The following PRDM5 variants were observed in gnomAD, a reference collection of about 807,000 sequenced individuals.
PRDM5 encodes the protein PR/SET domain 5, also known as PR domain zinc finger protein 5.
A neutral mutation model predicts 81.2 loss-of-function variants in PRDM5; 56 were observed. That is an observed-to-expected ratio of 0.69 (90% confidence interval 0.56 to 0.86). PRDM5 has a LOEUF of 0.86. Among genes scored for constraint, PRDM5 ranks in the 40% least tolerant of loss-of-function variants. The pLI, the probability that PRDM5 is intolerant of heterozygous loss-of-function variation, is 0.00. For synonymous variants in PRDM5, 267 were observed against 256.4 expected, an observed-to-expected ratio of 1.04 and a Z score of -0.39; for missense variants, 697 against 770.1, an observed-to-expected ratio of 0.91 and a Z score of 1.12.
intron 2 of PRDM5, among the ~76,000 whole-genome samples, chr4:120,892,373 A>C (rs1390363242): frequency 6.6e-6 from 1 of 152,140 alleles, no homozygotes; most frequent in African/African-American, 2.4e-5. Flanking sequence ...CGTCACTGAT[A>C]GTTTTGTCTC....
chr4:120,771,449 T>C (rs562048488), intron 13 of PRDM5, among the ~76,000 whole-genome samples: 1 of 152,256 alleles, frequency 6.6e-6, no homozygotes, highest in South Asian at 2.1e-4. Flanking sequence ...GAGTTATCAT[T>C]TAAACATGTA....
intron 14 of PRDM5, among the ~76,000 whole-genome samples, chr4:120,746,780 A>G (rs989288198): frequency 7.0e-6 from 1 of 143,246 alleles, no homozygotes; most frequent in Non-Finnish European, 1.5e-5. Flanking sequence ...AAAGTCAGGA[A>G]ACAACAGGTG....
intron 10 of PRDM5, among the ~76,000 whole-genome samples, chr4:120,788,251 T>C (rs1217556742): frequency 6.6e-6 from 1 of 152,204 alleles, no homozygotes; most frequent in Non-Finnish European, 1.5e-5. Context: ...ATTATAATTC[T>C]ATATTTATTT....
chr4:120,914,285 C>A (rs572127498), intron 1 of PRDM5, among the ~76,000 whole-genome samples: 25 of 148,420 alleles, frequency 1.7e-4, no homozygotes, highest in African/African-American at 3.9e-4. Context: ...GAATCAAATT[C>A]AAAAAAAAAT....
chr4:120,714,181 G>T (rs1472422866), intron 14 of PRDM5, among the ~76,000 whole-genome samples: 1 of 152,002 alleles, frequency 6.6e-6, no homozygotes, highest in African/African-American at 2.4e-5. Flanking sequence ...TACTTTTCAG[G>T]CTTTTTTATG....
intron 14 of PRDM5, among the ~76,000 whole-genome samples, chr4:120,750,522 C>T (rs112907214): frequency 1.3e-5 from 2 of 152,122 alleles, no homozygotes; most frequent in Non-Finnish European, 1.5e-5. Context: ...CAGCCCACCC[C>T]CTGGAGAAGC....
Position 120,781,291 on chromosome 4 carries a change from A to G in PRDM5, c.1295T>C (p.Phe432Ser). The G allele has an allele frequency of 1.2e-6, 2 of 1,612,966 alleles. No individual in the cohort carries two copies. The highest frequency in any genetic ancestry group is 2.2e-5 in the South Asian group (2 of 91,066). The stretch of plus-strand genomic sequence containing the variant: ...GGTAGCATCGCAGTGATGGCACTTG[A>G]AAGTCCTCTCACCTTAGAAACAAAG... ...HLLIHNSERT[F>S]KCHHCDATFK... The change falls in exon 12 of 16, where the codon TTC (phenylalanine) becomes TCC (serine). Residue 432 changes from phenylalanine (F) to serine (S), a missense_variant. Coordinates refer to ENST00000264808, the MANE Select transcript of PRDM5 (RefSeq NM_018699.4).
Position 120,742,882 on chromosome 4 carries a change from C to T in PRDM5, c.1623+11671G>A, listed in dbSNP as rs908824920. Among the ~76,000 whole-genome samples, 54 of 152,174 alleles carry T rather than the reference C, an allele frequency of 3.5e-4. 1 individual carries two copies. The highest frequency in any genetic ancestry group is 3.3e-4 in the Admixed American group (5 of 15,282). On this transcript the variant is annotated intron_variant, in intron 14 of 15. Transcript: ENST00000264808. ...AGGATATTATCCAGGAGAATTTCCC[C>T]AATCTAGCAAGGCAGGCCAACGTTC... is the stretch of plus-strand genomic sequence containing the variant.
At chr4:120,710,753 G>A (rs1736844907) in intron 14 of PRDM5, among the ~76,000 whole-genome samples, 1 of 152,022 alleles carries the variant, frequency 6.6e-6, no homozygotes, top group Non-Finnish European at 1.5e-5. Flanking sequence ...GCCATGTGAA[G>A]AAGGATGAGT....
At chr4:120,806,650 A>T (rs948688240) in intron 8 of PRDM5, among the ~76,000 whole-genome samples, 1 of 152,212 alleles carries the variant, frequency 6.6e-6, no homozygotes, top group Admixed American at 6.5e-5. Context: ...AGCCATAGGT[A>T]GAAAGCTGAA....
intron 7 of PRDM5, among the ~76,000 whole-genome samples, chr4:120,811,957 T>C (rs1753899999): frequency 6.6e-6 from 1 of 152,154 alleles, no homozygotes; most frequent in Admixed American, 6.6e-5. Context: ...TGCTATCAAA[T>C]AATAGATCGT....
chr4:120,793,195 T>A (rs1029340714), intron 10 of PRDM5, among the ~76,000 whole-genome samples: 2 of 152,034 alleles, frequency 1.3e-5, no homozygotes, highest in African/African-American at 4.8e-5. Flanking sequence ...GTGAGATCAG[T>A]GGCGGCATTA....
intron 3 of PRDM5, chr4:120,839,136 C>CA: frequency 8.9e-6 from 6 of 672,222 alleles, no homozygotes; most frequent in Non-Finnish European, 1.6e-5. Flanking sequence ...GGGGAGCTCC[C>CA]AGGTCTGGGA....
In PRDM5 at chr4:120,859,589, T is replaced by A. The variant is rs1369600316; in HGVS notation, c.178-6049A>T. ...GAACAAAGATAGTGTTAAGGATATC[T>A]TAACACTATTATTCAAATCCAAATA... is the stretch of plus-strand genomic sequence containing the variant. On this transcript the variant is annotated intron_variant, in intron 2 of 15. Transcript: ENST00000264808. 2.6e-5 allele frequency among the ~76,000 whole-genome samples: 4 copies of A among 152,274 alleles called. No homozygotes were observed. In the South Asian group the frequency reaches 8.3e-4, roughly 32 times the overall value.
intron 13 of PRDM5, among the ~76,000 whole-genome samples, chr4:120,759,466 T>C (rs1053120253): frequency 3.3e-5 from 5 of 152,220 alleles, no homozygotes; most frequent in Non-Finnish European, 7.3e-5. Context: ...GAAGGTTACC[T>C]GTACAGTCAA....
chr4:120,827,188 G>T (rs1422945402), intron 3 of PRDM5, among the ~76,000 whole-genome samples: 1 of 152,142 alleles, frequency 6.6e-6, no homozygotes, highest in Admixed American at 6.6e-5. Flanking sequence ...TTTGAACAAA[G>T]CTGAAAAACA....
intron 15 of PRDM5, among the ~76,000 whole-genome samples, chr4:120,699,299 T>G (rs577622689): frequency 1.3e-5 from 2 of 150,990 alleles, no homozygotes. Flanking sequence ...TACTGACTAG[T>G]AGTATTAACT....
At chr4:120,714,818 G>A (rs1737512059) in intron 14 of PRDM5, among the ~76,000 whole-genome samples, 1 of 152,104 alleles carries the variant, frequency 6.6e-6, no homozygotes, top group African/African-American at 2.4e-5. Context: ...ACTCTGGGAT[G>A]CTATCAATCA....
intron 3 of PRDM5, 80 bp from the exon 4 acceptor site, chr4:120,821,425 G>A (rs1426029567): frequency 1.1e-5 from 14 of 1,325,224 alleles, no homozygotes; most frequent in Admixed American, 8.9e-5. Flanking sequence ...ATACATTAAT[G>A]GAGTACTATG....
Sources: allele counts gnomAD v4.1 joint callset (sites outside exome capture counted in the v4.1 genomes callset), GRCh38; gene constraint gnomAD v4.1.1; transcripts MANE v1.5; gene names NCBI Gene and HGNC (gene_info 2026-07-23, HGNC 2026-07-21).